Variants in DUSP16 observed in about 807,000 individuals in gnomAD.
The protein encoded by DUSP16 is dual specificity phosphatase 16.
A neutral mutation model predicts 58.3 loss-of-function variants in DUSP16; 21 were observed. That is an observed-to-expected ratio of 0.36 (90% CI 0.26 to 0.52). The LOEUF (loss-of-function observed/expected upper bound fraction) is 0.52. DUSP16 is among the 20% of genes least tolerant of loss of function. DUSP16 has a pLI of 0.94. For missense variants in DUSP16, 726 were observed against 819.0 expected (o/e 0.89, Z 1.39); for synonymous variants, 320 against 323.8 (o/e 0.99, Z 0.12).
At position 12,480,233 on chromosome 12, in the gene DUSP16, C is replaced by T. The variant is rs369332270; in HGVS notation, c.805G>A (p.Glu269Lys). The change falls in exon 6 of 7, where the codon GAA becomes AAA. Residue 269 changes from glutamate to lysine, a missense_variant. Transcript: ENST00000298573. ...TTTTCCTGCCCTCACCTGTAAGCTT[C>T]ATCTAAAGACATGTCCATCCTCTTC... ...IMKRMDMSLDEAYRFVKEKRP... is the reference protein window; with the variant it reads ...IMKRMDMSLDKAYRFVKEKRP... 1.8e-5 allele frequency: 29 copies of T among 1,613,998 alleles called. No individual in the cohort carries two copies. Among genetic ancestry groups the T allele is most frequent in the Non-Finnish European group, 2.3e-5 (27 of 1,180,020 alleles).
At chr12:12,538,742 C>T (rs748592379) in intron 1 of DUSP16, among the ~76,000 whole-genome samples, 36 of 152,172 alleles carry the variant, frequency 2.4e-4, no homozygotes, top group Non-Finnish European at 4.9e-4. Context: ...GCAACAGCCT[C>T]GGCAGGACTC....
At chr12:12,486,715 G>A (rs11054926) in intron 5 of DUSP16, among the ~76,000 whole-genome samples, 42,121 of 152,072 alleles carry the variant, frequency 0.28, 6,372 homozygotes, top group Non-Finnish European at 0.33. Context: ...GAAAAAGTTG[G>A]GGGAAGAATT....
rs531196555 is a variant in DUSP16 at position 12,494,861 on chromosome 12, C to A, written c.531+5658G>T. On this transcript the variant is annotated intron_variant, in intron 4 of 6. Coordinates refer to ENST00000298573, the MANE Select transcript of DUSP16 (RefSeq NM_030640.3). ...CAAATGCCATACTGAGAAGACTGAT[C>A]GATTTATTAAAGCAAACTCCTAAAG... Among the ~76,000 whole-genome samples, 17 of 152,222 alleles carry A rather than the reference C, an allele frequency of 1.1e-4. No individual in the cohort carries two copies. In the South Asian group the frequency reaches 3.1e-3, roughly 28 times the overall value.
Position 12,508,140 on chromosome 12 carries a change from G to A in DUSP16, c.368-7458C>T, listed in dbSNP as rs1388269025. ...TCTAACATTAAAAATGGAAAATACT[G>A]AAAATGTTTATTTTGCAGTAAAGTA... On this transcript the variant is annotated intron_variant, in intron 3 of 6. Coordinates refer to ENST00000298573, the MANE Select transcript of DUSP16 (RefSeq NM_030640.3). 9.2e-5 allele frequency among the ~76,000 whole-genome samples: 14 copies of A among 152,242 alleles called. No individual in the cohort carries two copies. The East Asian group carries it at 2.7e-3, about 29-fold the overall frequency.
chr12:12,533,777 A>G (rs1275879184), intron 1 of DUSP16, among the ~76,000 whole-genome samples: 1 of 152,208 alleles, frequency 6.6e-6, no homozygotes, highest in East Asian at 1.9e-4. Context: ...CAACTCATCT[A>G]CTAAAATGCT....
At chr12:12,541,510 T>C (rs893322670) in intron 1 of DUSP16, among the ~76,000 whole-genome samples, 1 of 152,232 alleles carries the variant, frequency 6.6e-6, no homozygotes, top group Non-Finnish European at 1.5e-5. Context: ...GAAGGCCCAG[T>C]AAGGTAGGTA....
At chr12:12,517,497 C>A (rs1380335374) in intron 3 of DUSP16, among the ~76,000 whole-genome samples, 1 of 152,220 alleles carries the variant, frequency 6.6e-6, no homozygotes, top group African/African-American at 2.4e-5. Context: ...AGCAGCTGGA[C>A]CTTTGCAATA....
chr12:12,477,911 G>A lies in DUSP16; in HGVS notation c.920C>T (p.Pro307Leu). The change falls in exon 7 of 7, where the codon CCA (proline) becomes CTA (leucine). Residue 307 changes from proline (P) to leucine (L), a missense_variant. Physicochemically the swap from Pro to Leu is moderately conservative, Grantham distance 98. Coordinates refer to ENST00000298573, the MANE Select transcript of DUSP16 (RefSeq NM_030640.3). This position sits in a 1 kb window ranked among gnomAD's most constrained non-coding sequence, Gnocchi z 4.1. Reference sequence around the variant, plus strand: ...GTGCAGCAGCTTGAGTTTGCTCTTTGGCCCTGATGCTCCAGTCTGGTTCTT... The same window carrying A: ...GTGCAGCAGCTTGAGTTTGCTCTTTAGCCCTGATGCTCCAGTCTGGTTCTT... ...KIKNQTGASG[P>L]KSKLKLLHLE... 4 of 1,614,194 alleles carry A rather than the reference G, an allele frequency of 2.5e-6. No individual in the cohort carries two copies. The highest frequency in any genetic ancestry group is 3.4e-6 in the Non-Finnish European group (4 of 1,180,050).
chr12:12,487,588 TCTCA>T (rs1212098499), intron 4 of DUSP16, among the ~76,000 whole-genome samples: 1 of 152,156 alleles, frequency 6.6e-6, no homozygotes, highest in Admixed American at 6.5e-5. Flanking sequence ...TAGTCATTCT[TCTCA>T]CTCTAAATAC....
At chr12:12,558,441 G>C (rs1278528945) in intron 1 of DUSP16, among the ~76,000 whole-genome samples, 2 of 151,426 alleles carry the variant, frequency 1.3e-5, no homozygotes, top group African/African-American at 4.9e-5. Flanking sequence ...GAGCGCAGCA[G>C]TGCCATCATA....
intron 1 of DUSP16, among the ~76,000 whole-genome samples, chr12:12,561,742 C>T (rs993016240): frequency 2.6e-5 from 4 of 152,040 alleles, no homozygotes; most frequent in Admixed American, 6.5e-5. Context: ...CAGCTTCGCC[C>T]GCAAAGGTGC....
intron 4 of DUSP16, among the ~76,000 whole-genome samples, chr12:12,497,723 G>A (rs1943848933): frequency 6.6e-6 from 1 of 151,316 alleles, no homozygotes; most frequent in Non-Finnish European, 1.5e-5. Context: ...TGTAATCCCA[G>A]CACTTTGGGA....
chr12:12,552,313 G>A (rs577333190), intron 1 of DUSP16, among the ~76,000 whole-genome samples: 1 of 152,146 alleles, frequency 6.6e-6, no homozygotes, highest in East Asian at 1.9e-4. Flanking sequence ...GGGCATGGTG[G>A]TGCGTGCCTG....
At chr12:12,545,351 C>T (rs1378762502) in intron 1 of DUSP16, among the ~76,000 whole-genome samples, 1 of 152,152 alleles carries the variant, frequency 6.6e-6, no homozygotes, top group African/African-American at 2.4e-5. Context: ...ACCTCTGCCT[C>T]CCAGGTTCAA....
intron 1 of DUSP16, among the ~76,000 whole-genome samples, chr12:12,548,630 C>CAAAA (rs898316799): frequency 1.8e-4 from 11 of 62,580 alleles, no homozygotes; most frequent in East Asian, 9.5e-4. Context: ...GACTCTGTCT[C>CAAAA]AAAAAAAAAA....
In DUSP16 at chr12:12,487,204, T is replaced by G. The variant is rs577368301; in HGVS notation, c.532-17A>C. ...CATCAGCTCCTATGGAGAGAAAGAG[T>G]AGCAGTTAAAGTGACTAATAATATA... is the stretch of plus-strand genomic sequence containing the variant. On this transcript the variant is annotated splice_polypyrimidine_tract_variant and intron_variant, in intron 4 of 6. Coordinates refer to ENST00000298573, the MANE Select transcript of DUSP16 (RefSeq NM_030640.3). The G allele has an allele frequency of 1.9e-6, 3 of 1,611,742 alleles. No homozygotes were observed. The highest frequency in any genetic ancestry group is 1.7e-4 in the Middle Eastern group (1 of 6,052).
intron 4 of DUSP16, among the ~76,000 whole-genome samples, chr12:12,494,831 T>C (rs1423878826): frequency 6.6e-6 from 1 of 152,178 alleles, no homozygotes; most frequent in East Asian, 1.9e-4. Flanking sequence ...GCTACAGAAC[T>C]TTATCAAATG....
chr12:12,536,759 C>G (rs1009994494), intron 1 of DUSP16, among the ~76,000 whole-genome samples: 1 of 151,178 alleles, frequency 6.6e-6, no homozygotes, highest in Non-Finnish European at 1.5e-5. Flanking sequence ...AAAAAAAACG[C>G]CGATGCGGTG....
intron 1 of DUSP16, among the ~76,000 whole-genome samples, chr12:12,554,318 T>C (rs182921931): frequency 6.6e-4 from 100 of 151,642 alleles, no homozygotes; most frequent in African/African-American, 2.4e-3. Flanking sequence ...CCATGCTACC[T>C]AAGCTGGTCT....
Sources: gnomAD v4.1 joint callset for allele counts (sites outside exome capture counted in the v4.1 genomes callset) on GRCh38, gnomAD v4.1.1 for gene constraint, Gnocchi (gnomAD v3.1) non-coding constraint, MANE v1.5 for transcripts, NCBI Gene and HGNC (gene_info 2026-07-23, HGNC 2026-07-21) for gene names.